GALNT17: variants seen among roughly 807,000 people sequenced by gnomAD.
GALNT17 encodes the protein UDP-GalNAc:polypeptide N-acetylgalactosaminyltransferase-like 3.
In GALNT17, 29 loss-of-function variants were observed where a neutral mutation model predicts 63.7. The observed-to-expected ratio is 0.46, with a 90% CI of 0.34 to 0.62. The LOEUF (loss-of-function observed/expected upper bound fraction) is 0.62, where lower values mean the gene tolerates loss of function less well. GALNT17 is among the 20% of genes least tolerant of loss of function. The probability of loss-of-function intolerance (pLI) is 0.01; values close to 1 mark genes in which losing one functional copy is unlikely to be tolerated. For synonymous variants in GALNT17, 305 were observed against 318.3 expected (o/e 0.96, Z 0.45); for missense variants, 603 against 799.6 (o/e 0.75, Z 2.97).
chr7:71,395,154 G>T (rs1175719074), intron 3 of GALNT17, among the ~76,000 whole-genome samples: 1 of 152,080 alleles, frequency 6.6e-6, no homozygotes. Context: ...ATATTCAAAT[G>T]ATTTGCACCT....
At chr7:71,432,045 C>T (rs1786876444) in intron 5 of GALNT17, among the ~76,000 whole-genome samples, 1 of 152,070 alleles carries the variant, frequency 6.6e-6, no homozygotes, top group Admixed American at 6.5e-5. Flanking sequence ...TGTGATGGTG[C>T]ACACCTGTAA....
chr7:71,385,087 G>A (rs1439488743), intron 2 of GALNT17, among the ~76,000 whole-genome samples: 1 of 152,212 alleles, frequency 6.6e-6, no homozygotes, highest in Non-Finnish European at 1.5e-5. Flanking sequence ...TGTGGCAGAT[G>A]TTAGGGCAGA....
chr7:71,430,620 A>G (rs1257426756), intron 5 of GALNT17, among the ~76,000 whole-genome samples: 1 of 152,210 alleles, frequency 6.6e-6, no homozygotes, highest in East Asian at 1.9e-4. Flanking sequence ...ATGATTAACA[A>G]TTTAGCAATC....
rs116161307 is a variant in GALNT17, at chr7:71,691,340, G to A, written c.1500+14034G>A. On this transcript the variant is annotated intron_variant, in intron 9 of 10. Coordinates refer to ENST00000333538, the MANE Select transcript of GALNT17 (RefSeq NM_022479.3). ...AGCTATGCACATTTTTAAAAGGCAT[G>A]CTATTGCACACTTAATAGTCTACAG... Among the ~76,000 whole-genome samples the A allele has an allele frequency of 6.4e-3, 980 of 152,278 alleles. 11 individuals carry two copies. Among genetic ancestry groups the A allele is most frequent in the African/African-American group, 0.022 (922 of 41,560 alleles).
intron 2 of GALNT17, among the ~76,000 whole-genome samples, chr7:71,343,923 TTTC>T (rs999721955): frequency 1.3e-5 from 2 of 152,182 alleles, no homozygotes; most frequent in Non-Finnish European, 2.9e-5. Flanking sequence ...TTTCTTTTTT[TTTC>T]TTCTTCTTGT....
At chr7:71,507,893 G>T (rs918899514) in intron 5 of GALNT17, among the ~76,000 whole-genome samples, 1 of 152,150 alleles carries the variant, frequency 6.6e-6, no homozygotes, top group Non-Finnish European at 1.5e-5. Context: ...CAGCTCACAG[G>T]CTTTGTTAAG....
chr7:71,448,228 A>G (rs534501664), intron 5 of GALNT17, among the ~76,000 whole-genome samples: 12 of 152,002 alleles, frequency 7.9e-5, no homozygotes, highest in Non-Finnish European at 1.8e-4. Flanking sequence ...AAATTCTTTT[A>G]TTCTGGGTGC....
chr7:71,668,228 G>C (rs1485082932), intron 7 of GALNT17, among the ~76,000 whole-genome samples: 1 of 151,098 alleles, frequency 6.6e-6, no homozygotes, highest in Non-Finnish European at 1.5e-5. Context: ...AACCTACCAG[G>C]CTTTTAAAAA....
intron 6 of GALNT17, among the ~76,000 whole-genome samples, chr7:71,588,181 A>G (rs1047500930): frequency 1.3e-4 from 20 of 152,348 alleles, no homozygotes; most frequent in African/African-American, 3.1e-4. Context: ...TCATTATTTC[A>G]TACTAATGTC....
chr7:71,611,969 T>C (rs1252511212), intron 6 of GALNT17, among the ~76,000 whole-genome samples: 2 of 152,132 alleles, frequency 1.3e-5, no homozygotes, highest in Non-Finnish European at 2.9e-5. Context: ...TCCACACACT[T>C]ACCACCCAGC....
chr7:71,397,672 C>A (rs774152252), intron 3 of GALNT17, among the ~76,000 whole-genome samples: 1 of 152,178 alleles, frequency 6.6e-6, no homozygotes, highest in African/African-American at 2.4e-5. Context: ...GCGTTGTTGT[C>A]GTCTTGGATC....
chr7:71,348,627 C>A (rs1792136836), intron 2 of GALNT17, among the ~76,000 whole-genome samples: 1 of 152,202 alleles, frequency 6.6e-6, no homozygotes, highest in Non-Finnish European at 1.5e-5. Flanking sequence ...GTAGATGCAG[C>A]TATGGGACAT....
intron 5 of GALNT17, among the ~76,000 whole-genome samples, chr7:71,436,456 A>G (rs1037395420): frequency 2.0e-5 from 3 of 152,206 alleles, no homozygotes; most frequent in Admixed American, 2.0e-4. Flanking sequence ...ACGGTGACTC[A>G]CGCCTGTAAT....
At chr7:71,676,538 C>T (rs946872492) in intron 8 of GALNT17, among the ~76,000 whole-genome samples, 4 of 152,060 alleles carry the variant, frequency 2.6e-5, no homozygotes, top group African/African-American at 9.7e-5. Flanking sequence ...TGTTTGCTAC[C>T]ATGGCTGGTT....
chr7:71,576,529 T>TGTG (rs1789539654), intron 6 of GALNT17, among the ~76,000 whole-genome samples: 3 of 142,814 alleles, frequency 2.1e-5, no homozygotes, highest in East Asian at 2.1e-4. Context: ...TTTTTTAACT[T>TGTG]TGTGTGTGTG....
At chr7:71,557,956 G>A (rs1381071380) in intron 5 of GALNT17, among the ~76,000 whole-genome samples, 1 of 151,044 alleles carries the variant, frequency 6.6e-6, no homozygotes, top group African/African-American at 2.4e-5. Flanking sequence ...TGCCTGTAAT[G>A]TCAGCCACTC....
intron 1 of GALNT17, among the ~76,000 whole-genome samples, chr7:71,285,160 T>G (rs1218008189): frequency 6.6e-6 from 1 of 152,224 alleles, no homozygotes; most frequent in Non-Finnish European, 1.5e-5. Flanking sequence ...TGTAAGGTTT[T>G]TATTAACTAC....
At position 71,712,386 on chromosome 7, in the gene GALNT17, G is replaced by A. The variant is rs1791808682; in HGVS notation, c.*240G>A. The A allele has an allele frequency of 2.5e-6, 1 of 401,370 alleles. No individual in the cohort carries two copies. The allele number at this position is 401,370 out of a possible 1,614,324, so 24.9% of individuals were successfully genotyped here. ...CCCCCCACCCTTCCTCTGGGAAACTGACAGCTGTCTTCCACAGCCTCTGAT... is the reference window on the plus strand; with the variant it reads ...CCCCCCACCCTTCCTCTGGGAAACTAACAGCTGTCTTCCACAGCCTCTGAT... On this transcript the variant is annotated 3_prime_UTR_variant, in exon 11 of 11. Transcript: ENST00000333538.
chr7:71,282,483 A>G (rs549981940), intron 1 of GALNT17, among the ~76,000 whole-genome samples: 2 of 152,372 alleles, frequency 1.3e-5, no homozygotes, highest in Non-Finnish European at 2.9e-5. Context: ...GCACTGTGTC[A>G]GGCACATAGC....
Sources: gnomAD v4.1 joint callset for allele counts (sites outside exome capture counted in the v4.1 genomes callset) on GRCh38, gnomAD v4.1.1 for gene constraint, MANE v1.5 for transcripts, NCBI Gene and HGNC (gene_info 2026-07-23, HGNC 2026-07-21) for gene names.